Variants in GLIS3 observed in about 807,000 individuals in gnomAD.
The protein encoded by GLIS3 is GLIS family zinc finger 3.
In GLIS3, 53 loss-of-function variants were observed where a neutral mutation model predicts 78.6. The ratio of observed to expected loss-of-function variants is 0.67; its 90% CI spans 0.54 to 0.85. The LOEUF is 0.85. Ranked by LOEUF, GLIS3 falls within the 40% of genes least tolerant of loss-of-function variation. GLIS3 has a pLI of 0.00. For missense variants in GLIS3, 1,703 were observed against 1,231.1 expected (o/e 1.38, Z -5.74); for synonymous variants, 684 against 509.9 (o/e 1.34, Z -4.60).
intron 2 of GLIS3, among the ~76,000 whole-genome samples, chr9:4,264,311 C>G (rs1563858070): frequency 6.6e-6 from 1 of 152,226 alleles, no homozygotes; most frequent in Admixed American, 6.5e-5. Flanking sequence ...CCACCACCAC[C>G]ACCATGATGC....
At position 4,118,085 on chromosome 9, in the gene GLIS3, G is replaced by C; in HGVS notation, c.1393C>G (p.His465Asp). Residue 465 changes from histidine (H) to aspartate (D), a missense_variant, in exon 4 of 11, where the codon CAT becomes GAT. Physicochemically the swap from His to Asp is moderately conservative, Grantham distance 81. Coordinates refer to ENST00000381971, the MANE Select transcript of GLIS3 (RefSeq NM_001042413.2). The surrounding 1 kb of genome is among the most constrained non-coding windows in gnomAD (Gnocchi z 4.7). ...AGCTCCGGGTGGTGAAGGTGCGCATGGGCATGGTAAGGGGGTGGGGGGCCT... is the reference window on the plus strand; with the variant it reads ...AGCTCCGGGTGGTGAAGGTGCGCATCGGCATGGTAAGGGGGTGGGGGGCCT... ...PPGPPPPYHA[H>D]AHLHHPELGP... 2 of 1,566,780 alleles carry C rather than the reference G, an allele frequency of 1.3e-6. No homozygotes were observed. Among genetic ancestry groups the C allele is most frequent in the Non-Finnish European group, 1.7e-6 (2 of 1,156,040 alleles).
the GLIS3 span, among the ~76,000 whole-genome samples, chr9:4,405,871 A>G: frequency 6.6e-6 from 1 of 152,234 alleles, no homozygotes; most frequent in African/African-American, 2.4e-5. Context: ...ATCATTCATT[A>G]TGATCAAATG....
the GLIS3 span, among the ~76,000 whole-genome samples, chr9:4,484,562 G>C: frequency 6.6e-6 from 1 of 151,634 alleles, no homozygotes; most frequent in African/African-American, 2.4e-5. Flanking sequence ...GGGATTACAG[G>C]CCCTGCCACC....
chr9:4,044,970 G>T (rs1191219019), intron 4 of GLIS3, among the ~76,000 whole-genome samples: 1 of 152,140 alleles, frequency 6.6e-6, no homozygotes, highest in Non-Finnish European at 1.5e-5. Flanking sequence ...CCGAGGAAGG[G>T]AGGACTCAGA....
At chr9:4,348,853 A>C (rs1817927257), upstream of GLIS3, among the ~76,000 whole-genome samples, 1 of 152,214 alleles carries the variant, frequency 6.6e-6, no homozygotes, top group South Asian at 2.1e-4. Flanking sequence ...GAAAATACGG[A>C]AATTATAAAA....
rs190723945 is a variant in GLIS3 at position 3,997,348 on chromosome 9, C to T, written c.1711-60159G>A. ...GCAAGAAGAGTGAAACTCGAAATTC[C>T]GTCTCAAGAAAACAATAAAAATAAA... On this transcript the variant is annotated intron_variant, in intron 4 of 10. Coordinates refer to ENST00000381971, the MANE Select transcript of GLIS3 (RefSeq NM_001042413.2). Among the ~76,000 whole-genome samples, 50 of 151,188 alleles carry T rather than the reference C, an allele frequency of 3.3e-4. 1 individual carries two copies. The South Asian group carries it at 3.8e-3, about 11-fold the overall frequency.
chr9:4,138,956 G>A (rs183269209), intron 2 of GLIS3, among the ~76,000 whole-genome samples: 2 of 152,320 alleles, frequency 1.3e-5, no homozygotes, highest in East Asian at 1.9e-4. Context: ...GAAGATAACA[G>A]TCTATTTCCA....
chr9:4,178,885 T>C (rs1817030264), intron 2 of GLIS3, among the ~76,000 whole-genome samples: 1 of 152,210 alleles, frequency 6.6e-6, no homozygotes, highest in African/African-American at 2.4e-5. Context: ...TAAATATTAA[T>C]AAATTAAAAA....
chr9:4,485,927 T>A, the GLIS3 span, among the ~76,000 whole-genome samples: 1 of 152,174 alleles, frequency 6.6e-6, no homozygotes, highest in Non-Finnish European at 1.5e-5. Flanking sequence ...TTCACTATGT[T>A]GGCCAGGCTG....
chr9:4,132,940 A>G (rs1248018070), intron 2 of GLIS3, among the ~76,000 whole-genome samples: 1 of 152,126 alleles, frequency 6.6e-6, no homozygotes, highest in Non-Finnish European at 1.5e-5. Context: ...TGGGGTCAGT[A>G]ATAATACCTA....
At chr9:4,378,545 G>T in the GLIS3 span, among the ~76,000 whole-genome samples, 2 of 151,988 alleles carry the variant, frequency 1.3e-5, no homozygotes, top group African/African-American at 4.8e-5. Flanking sequence ...ATTTGACTAG[G>T]CACCTGTATT....
chr9:3,860,119 C>A (rs552692807), intron 8 of GLIS3, among the ~76,000 whole-genome samples: 1 of 151,742 alleles, frequency 6.6e-6, no homozygotes, highest in East Asian at 1.9e-4. Flanking sequence ...ACTAAAGATA[C>A]AAAATATTAG....
chr9:4,171,482 T>C (rs988549046), intron 2 of GLIS3, among the ~76,000 whole-genome samples: 3 of 152,296 alleles, frequency 2.0e-5, no homozygotes, highest in East Asian at 3.9e-4. Context: ...GGAACACAGA[T>C]GGAATAAACC....
intron 2 of GLIS3, among the ~76,000 whole-genome samples, chr9:4,229,965 G>A (rs1011136214): frequency 2.0e-5 from 3 of 152,178 alleles, no homozygotes; most frequent in African/African-American, 7.2e-5. Flanking sequence ...GGTAACACTA[G>A]GAAGAAAGTA....
chr9:3,953,795 C>CTCTCTCTATATATATATATATATA (rs1403671770), intron 4 of GLIS3, among the ~76,000 whole-genome samples: 3 of 73,326 alleles, frequency 4.1e-5, no homozygotes, highest in African/African-American at 1.7e-4. Context: ...CTCTCTCTCT[C>CTCTCTCTATATATATATATATATA]TATATATATA....
intron 7 of GLIS3, among the ~76,000 whole-genome samples, chr9:3,894,433 G>A (rs906450966): frequency 6.6e-6 from 1 of 152,028 alleles, no homozygotes; most frequent in Non-Finnish European, 1.5e-5. Context: ...GCTGTCCCAC[G>A]ACAGCAAATA....
At position 3,987,775 on chromosome 9, in the gene GLIS3, A is replaced by C. The variant is rs1187164002; in HGVS notation, c.1711-50586T>G. Among the ~76,000 whole-genome samples the C allele has an allele frequency of 7.0e-5, 10 of 143,824 alleles. 2 individuals carry two copies. Among genetic ancestry groups the C allele is most frequent in the Non-Finnish European group, 1.2e-4 (8 of 65,874 alleles). The allele number at this position is 143,824 out of a possible 152,430, so 94.4% of individuals were successfully genotyped here. On this transcript the variant is annotated intron_variant, in intron 4 of 10. Transcript: ENST00000381971. Reference sequence around the variant, plus strand: ...CCTGGATTTGGCAAAAAAAAAAAAAAAAAAAAAAAAAAACAAAACACAAAC... The same window carrying C: ...CCTGGATTTGGCAAAAAAAAAAAAACAAAAAAAAAAAAACAAAACACAAAC...
chr9:3,991,969 C>T (rs1282792910), intron 4 of GLIS3, among the ~76,000 whole-genome samples: 7 of 152,120 alleles, frequency 4.6e-5, no homozygotes, highest in African/African-American at 7.2e-5. Context: ...GGATTACAGG[C>T]ATGAGCCACC....
At chr9:3,852,623 G>C (rs1819505279) in intron 9 of GLIS3, among the ~76,000 whole-genome samples, 2 of 152,210 alleles carry the variant, frequency 1.3e-5, no homozygotes, top group Non-Finnish European at 2.9e-5. Flanking sequence ...CTGAAGAGTA[G>C]TAGATAAGAA....
Sources: allele counts gnomAD v4.1 joint callset (sites outside exome capture counted in the v4.1 genomes callset), GRCh38; gene constraint gnomAD v4.1.1; non-coding constraint Gnocchi (gnomAD v3.1); transcripts MANE v1.5; gene names NCBI Gene and HGNC (gene_info 2026-07-23, HGNC 2026-07-21).